Variants in FAR2 observed in about 807,000 individuals in gnomAD.
FAR2 encodes epididymis secretory protein Li 81.
Under a neutral mutation model 56.0 loss-of-function variants are expected in FAR2, and 19 were observed. The observed-to-expected ratio is 0.34, with a 90% CI of 0.24 to 0.50. The LOEUF (loss-of-function observed/expected upper bound fraction) is 0.50. Among genes scored for constraint, FAR2 ranks in the 20% least tolerant of loss-of-function variants. FAR2 has a pLI of 0.98. For synonymous variants in FAR2, 219 were observed against 218.8 expected (o/e 1.00, Z -0.01); for missense variants, 508 against 642.2 (o/e 0.79, Z 2.26).
chr12:29,204,321 A>G (rs1205101463), intron 1 of FAR2, among the ~76,000 whole-genome samples: 1 of 152,020 alleles, frequency 6.6e-6, no homozygotes, highest in Admixed American at 6.6e-5. Context: ...CAGGGATGAT[A>G]TTCTAATGGG....
At chr12:29,161,264 C>T (rs1241676810) in intron 1 of FAR2, among the ~76,000 whole-genome samples, 23 of 152,278 alleles carry the variant, frequency 1.5e-4, no homozygotes, top group Non-Finnish European at 4.4e-5. Context: ...CTATAAGCTC[C>T]CCTCATACTC....
chr12:29,190,082 G>A (rs1045345215), intron 1 of FAR2, among the ~76,000 whole-genome samples: 2 of 152,182 alleles, frequency 1.3e-5, no homozygotes, highest in Admixed American at 1.3e-4. Flanking sequence ...GGGAATACTA[G>A]GGAAGGCGCA....
chr12:29,291,595 G>T, intron 2 of FAR2: 1 of 384,528 alleles, frequency 2.6e-6, no homozygotes, highest in Non-Finnish European at 5.1e-6. Flanking sequence ...GTGTGCCCTA[G>T]TAATTTCTTA....
In FAR2 at chr12:29,335,477, T is replaced by C. The variant is rs1011858681; in HGVS notation, c.*1683T>C. On this transcript the variant is annotated 3_prime_UTR_variant, in exon 12 of 12. Transcript: ENST00000536681. ...ATGATAAAAATATGAAATCAAGATA[T>C]AGCTCAGTGGGATTGGATTAAGACA... is the stretch of plus-strand genomic sequence containing the variant. 6.6e-6 allele frequency: 1 copy of C among 152,196 alleles called. No individual in the cohort carries two copies. Among genetic ancestry groups the C allele is most frequent in the Non-Finnish European group, 1.5e-5 (1 of 68,040 alleles). 9.4% of individuals were successfully genotyped at this position (152,196 alleles called of 1,614,324 possible). A position where few individuals can be genotyped will look rare whatever the true frequency, so the allele number is the denominator to read the frequency against.
chr12:29,216,063 C>G (rs539775278), intron 1 of FAR2, among the ~76,000 whole-genome samples: 5 of 152,182 alleles, frequency 3.3e-5, no homozygotes, highest in Non-Finnish European at 5.9e-5. Context: ...ATCCCTTGCC[C>G]TTCTGATTAA....
At chr12:29,289,254 G>T (rs772194116) in intron 2 of FAR2, among the ~76,000 whole-genome samples, 36 of 152,066 alleles carry the variant, frequency 2.4e-4, no homozygotes, top group South Asian at 2.1e-4. Flanking sequence ...GAGCAAAAAA[G>T]AATAAAACTG....
chr12:29,252,933 T>C (rs2136678827), intron 1 of FAR2, among the ~76,000 whole-genome samples: 1 of 152,178 alleles, frequency 6.6e-6, no homozygotes, highest in African/African-American at 2.4e-5. Context: ...TTGGTGAACT[T>C]TGAGTGAAGC....
intron 10 of FAR2, among the ~76,000 whole-genome samples, chr12:29,324,652 C>A (rs1375210171): frequency 6.6e-6 from 1 of 152,050 alleles, no homozygotes; most frequent in African/African-American, 2.4e-5. Flanking sequence ...CCAAACTAAG[C>A]TTCATAAGTG....
intron 2 of FAR2, among the ~76,000 whole-genome samples, chr12:29,291,007 G>A (rs1948955864): frequency 6.6e-6 from 1 of 152,134 alleles, no homozygotes; most frequent in South Asian, 2.1e-4. Flanking sequence ...TGGATTGCTT[G>A]TAACTCAAAG....
chr12:29,271,314 A>G (rs1041454668), intron 2 of FAR2, among the ~76,000 whole-genome samples: 1 of 152,208 alleles, frequency 6.6e-6, no homozygotes, highest in Non-Finnish European at 1.5e-5. Context: ...GGTCTCAAAC[A>G]TATCTGGGTT....
intron 3 of FAR2, 119 bp from the exon 4 acceptor site, chr12:29,296,902 G>C (rs1949081165): frequency 1.3e-6 from 1 of 797,806 alleles, no homozygotes; most frequent in African/African-American, 1.7e-5. Flanking sequence ...TCTCTTCCTG[G>C]TGTTTTGGTG....
At chr12:29,274,357 T>C (rs1048667352) in intron 2 of FAR2, among the ~76,000 whole-genome samples, 1 of 152,042 alleles carries the variant, frequency 6.6e-6, no homozygotes, top group Non-Finnish European at 1.5e-5. Context: ...TCCGTGTCCC[T>C]ACAAAGGACA....
At chr12:29,159,519 C>CA (rs1949761417) in intron 1 of FAR2, among the ~76,000 whole-genome samples, 1 of 12,910 alleles carries the variant, frequency 7.7e-5, no homozygotes, top group South Asian at 5.3e-3. Flanking sequence ...GACTCTGTCT[C>CA]GGAAAAAAAA....
chr12:29,251,083 G>A (rs191736208), intron 1 of FAR2, among the ~76,000 whole-genome samples: 16 of 152,304 alleles, frequency 1.1e-4, no homozygotes, highest in East Asian at 5.8e-4. Context: ...TAGTTGATTA[G>A]GATGTTCCTA....
intron 1 of FAR2, among the ~76,000 whole-genome samples, chr12:29,155,881 T>C (rs1052296838): frequency 2.6e-5 from 4 of 152,244 alleles, no homozygotes; most frequent in Non-Finnish European, 5.9e-5. Flanking sequence ...TTAATTGTTT[T>C]GTTTTTCATT....
At position 29,332,595 on chromosome 12, in the gene FAR2, C is replaced by A; in HGVS notation, c.1258-5C>A. The A allele has an allele frequency of 3.1e-6, 5 of 1,613,546 alleles. No individual in the cohort carries two copies. The highest frequency in any genetic ancestry group is 4.2e-6 in the Non-Finnish European group (5 of 1,179,630). On this transcript the variant is annotated splice_polypyrimidine_tract_variant and splice_region_variant and intron_variant, in intron 10 of 11. Transcript: ENST00000536681. The stretch of plus-strand genomic sequence containing the variant: ...TGGCAATCTATAATCTCTCTTGCCT[C>A]TCAGGTATTCAACTTTGACGTGCGC...
At chr12:29,212,287 T>G (rs1156489246) in intron 1 of FAR2, among the ~76,000 whole-genome samples, 1 of 152,162 alleles carries the variant, frequency 6.6e-6, no homozygotes, top group African/African-American at 2.4e-5. Context: ...AAATAATTGC[T>G]GAATCTAGTG....
intron 1 of FAR2, among the ~76,000 whole-genome samples, chr12:29,158,493 C>T (rs1949751439): frequency 6.6e-6 from 1 of 152,248 alleles, no homozygotes; most frequent in Non-Finnish European, 1.5e-5. Context: ...CTCTTCTTAG[C>T]AGAAGTGTGA....
chr12:29,202,578 G>A (rs1254255044), intron 1 of FAR2, among the ~76,000 whole-genome samples: 1 of 152,176 alleles, frequency 6.6e-6, no homozygotes, highest in East Asian at 1.9e-4. Flanking sequence ...CCCAGTGTTG[G>A]AGGTCGGGCC....
Sources: gnomAD v4.1 joint callset for allele counts (sites outside exome capture counted in the v4.1 genomes callset) on GRCh38, gnomAD v4.1.1 for gene constraint, MANE v1.5 for transcripts, NCBI Gene and HGNC (gene_info 2026-07-23, HGNC 2026-07-21) for gene names.